TSC22D4: variants seen among roughly 807,000 people sequenced by gnomAD.
TSC22D4 encodes the protein TSC22 domain family member 4, also known as TSC22 domain family protein 4.
In TSC22D4, 5 loss-of-function variants were observed where a neutral mutation model predicts 24.9. The observed-to-expected ratio is 0.20, with a 90% CI of 0.10 to 0.42. The LOEUF is 0.42. TSC22D4 is among the 10% of genes least tolerant of loss of function. TSC22D4 has a pLI of 1.00. For missense variants in TSC22D4, 469 were observed against 547.9 expected (o/e 0.86, Z 1.44); for synonymous variants, 245 against 243.2 (o/e 1.01, Z -0.07).
Position 100,477,874 on chromosome 7 carries a change from C to G in TSC22D4, c.165G>C (p.Lys55Asn), listed in dbSNP as rs762104408. The stretch of plus-strand genomic sequence containing the variant: ...GTGGGGAGCCATTCCGGGGGGTGCC[C>G]TTGCCCCCCGGATCGGGGCTGGGCT... ...NGEPSPDPGG[K>N]GTPRNGSPPP... The change falls in exon 2 of 5, where the codon AAG becomes AAC. Residue 55 changes from lysine (K) to asparagine (N), a missense_variant. Physicochemically the swap from Lys to Asn is moderately conservative, Grantham distance 94 (BLOSUM62 0). Transcript: ENST00000300181. The surrounding 1 kb of genome is among the most constrained non-coding windows in gnomAD (Gnocchi z 7.8). 1.3e-6 allele frequency: 2 copies of G among 1,583,962 alleles called. No individual in the cohort carries two copies. The highest frequency in any genetic ancestry group is 1.7e-6 in the Non-Finnish European group (2 of 1,166,934).
In TSC22D4 at chr7:100,477,536, C is replaced by G; in HGVS notation, c.503G>C (p.Gly168Ala). The G allele has an allele frequency of 1.3e-6, 2 of 1,560,922 alleles. No individual in the cohort carries two copies. Among genetic ancestry groups the G allele is most frequent in the Non-Finnish European group, 1.7e-6 (2 of 1,153,972 alleles). ...SPGPQARSFT[G>A]GLGQLVVPSK... ...GGGCACCACCAGCTGGCCCAGTCCCCCAGTGAAGGAGCGGGCCTGAGGTCC... is the reference window on the plus strand; with the variant it reads ...GGGCACCACCAGCTGGCCCAGTCCCGCAGTGAAGGAGCGGGCCTGAGGTCC... Residue 168 changes from glycine to alanine, a missense_variant, in exon 2 of 5, where the codon GGG becomes GCG. Physicochemically the swap from Gly to Ala is moderately conservative, Grantham distance 60. Transcript: ENST00000300181. This position sits in a 1 kb window ranked among gnomAD's most constrained non-coding sequence, Gnocchi z 7.8.
chr7:100,471,026 A>G (rs1174064691), intron 3 of TSC22D4, among the ~76,000 whole-genome samples: 1 of 152,148 alleles, frequency 6.6e-6, no homozygotes, highest in Non-Finnish European at 1.5e-5. Context: ...CGGCCTCAAC[A>G]TGAAGATGAG....
intron 3 of TSC22D4, among the ~76,000 whole-genome samples, chr7:100,470,889 G>A (rs575308028): frequency 6.6e-6 from 1 of 152,268 alleles, no homozygotes; most frequent in South Asian, 2.1e-4. Context: ...AAATATGAGC[G>A]GCACCCCCTG....
intron 3 of TSC22D4, chr7:100,473,797 T>C (rs1029992564): frequency 2.1e-4 from 32 of 152,204 alleles, no homozygotes; most frequent in African/African-American, 7.7e-4. Flanking sequence ...CTTTTTCTTT[T>C]TAGAGATGAG....
At chr7:100,467,356 T>C in intron 4 of TSC22D4, 188 bp from the exon 5 acceptor site, 2 of 833,588 alleles carry the variant, frequency 2.4e-6, no homozygotes, top group Non-Finnish European at 3.9e-6. Context: ...TGGGGACCAG[T>C]AGCCAGACTA....
At chr7:100,472,526 G>C (rs893285271) in intron 3 of TSC22D4, among the ~76,000 whole-genome samples, 8 of 152,160 alleles carry the variant, frequency 5.3e-5, no homozygotes, top group East Asian at 1.9e-4. Flanking sequence ...CAACAGGGGT[G>C]GGGGAGGGAC....
chr7:100,470,433 A>G (rs1032065189), intron 3 of TSC22D4, among the ~76,000 whole-genome samples: 2 of 152,094 alleles, frequency 1.3e-5, no homozygotes, highest in Non-Finnish European at 2.9e-5. Flanking sequence ...CTGAGATTAC[A>G]GGCATGAGCC....
chr7:100,471,333 G>A (rs1040818987), intron 3 of TSC22D4, among the ~76,000 whole-genome samples: 2 of 152,182 alleles, frequency 1.3e-5, no homozygotes, highest in East Asian at 1.9e-4. Flanking sequence ...CTCTTTGCCT[G>A]GGACACAGGC....
chr7:100,477,736 C>T lies in TSC22D4; in HGVS notation c.303G>A (p.Glu101=). The change falls in exon 2 of 5, where the codon GAG becomes GAA. Residue 101 remains glutamate, a synonymous_variant. Transcript: ENST00000300181. This position sits in a 1 kb window ranked among gnomAD's most constrained non-coding sequence, Gnocchi z 7.8. ...CCAGGAGTCCGCCGAAGCTGTGGGG[C>T]TCCAGGTCTCGCTCATAAACATCCA... ...TCVDVYERDL[E]PHSFGGLLEG... 1.2e-6 allele frequency: 2 copies of T among 1,602,714 alleles called. No individual in the cohort carries two copies. The highest frequency in any genetic ancestry group is 1.7e-6 in the Non-Finnish European group (2 of 1,179,612).
chr7:100,478,308 C>A lies in TSC22D4; in HGVS notation c.-269-1G>T. The A allele has an allele frequency of 8.2e-6, 3 of 365,000 alleles. No individual in the cohort carries two copies. Among genetic ancestry groups the A allele is most frequent in the East Asian group, 4.9e-5 (1 of 20,598 alleles). The allele number at this position is 365,000 out of a possible 1,614,324, so 22.6% of individuals were successfully genotyped here. A position where few individuals can be genotyped will look rare whatever the true frequency, so the allele number is the denominator to read the frequency against. On this transcript the variant is annotated splice_acceptor_variant, in intron 1 of 4. Coordinates refer to ENST00000300181, the MANE Select transcript of TSC22D4 (RefSeq NM_030935.5). LOFTEE classifies it low-confidence loss of function (5UTR_SPLICE). ...TGAACTCCAGAGCTGAGTTTGCAAA[C>A]TGGAAAAAGAGGGGGAGAGAGAGAG...
At chr7:100,470,943 C>T (rs1349831484) in intron 3 of TSC22D4, among the ~76,000 whole-genome samples, 1 of 152,200 alleles carries the variant, frequency 6.6e-6, no homozygotes, top group Non-Finnish European at 1.5e-5. Flanking sequence ...GGAGACTTAG[C>T]CCTGCAGGAC....
chr7:100,469,947 C>T (rs577440736), intron 3 of TSC22D4, among the ~76,000 whole-genome samples: 7 of 149,380 alleles, frequency 4.7e-5, no homozygotes, highest in South Asian at 2.1e-4. Context: ...TAGGCCTGAG[C>T]GAGCAGGATG....
intron 3 of TSC22D4, among the ~76,000 whole-genome samples, chr7:100,473,076 G>T (rs1292052740): frequency 6.6e-6 from 1 of 152,196 alleles, no homozygotes; most frequent in Non-Finnish European, 1.5e-5. Flanking sequence ...CAGGCAGCCT[G>T]GCTATCTCTG....
chr7:100,475,628 T>G (rs1045565567), intron 2 of TSC22D4, among the ~76,000 whole-genome samples: 3 of 151,980 alleles, frequency 2.0e-5, no homozygotes, highest in African/African-American at 7.2e-5. Flanking sequence ...CCTCTCAAAC[T>G]TCTCGGACTC....
At chr7:100,468,391 C>T (rs923986966) in intron 3 of TSC22D4, among the ~76,000 whole-genome samples, 19 of 152,134 alleles carry the variant, frequency 1.2e-4, no homozygotes, top group Admixed American at 3.3e-4. Flanking sequence ...TCGCCACCTC[C>T]GACCCCATTC....
chr7:100,467,839 G>T, intron 3 of TSC22D4: 1 of 689,558 alleles, frequency 1.5e-6, no homozygotes, highest in South Asian at 1.5e-5. Flanking sequence ...AGAGCAAGGG[G>T]AAGAGGCACA....
In TSC22D4 at chr7:100,477,254, C is replaced by A; in HGVS notation, c.762+23G>T. The A allele has an allele frequency of 6.8e-7, 1 of 1,461,064 alleles. No individual in the cohort carries two copies. Among genetic ancestry groups the A allele is most frequent in the Non-Finnish European group, 9.1e-7 (1 of 1,103,442 alleles). 90.5% of individuals were successfully genotyped at this position (1,461,064 alleles called of 1,614,324 possible). ...AGAGGTTAGGCCAGGGCTGATGGGC[C>A]AGCCCTAGAACCCAGGTCTTACCTG... On this transcript the variant is annotated intron_variant, in intron 2 of 4. Coordinates refer to ENST00000300181, the MANE Select transcript of TSC22D4 (RefSeq NM_030935.5). The surrounding 1 kb of genome is among the most constrained non-coding windows in gnomAD (Gnocchi z 7.8).
chr7:100,478,048 G>C lies in TSC22D4; in HGVS notation c.-10C>G. On this transcript the variant is annotated 5_prime_UTR_variant, in exon 2 of 5. Coordinates refer to ENST00000300181, the MANE Select transcript of TSC22D4 (RefSeq NM_030935.5). ...TCTTGCCCCCGCTCATGGTCCCTGG[G>C]GCTCAGGGCTGGGCCAAGGTTGGGG... 6.3e-7 allele frequency: 1 copy of C among 1,587,578 alleles called. No individual in the cohort carries two copies. The highest frequency in any genetic ancestry group is 8.6e-7 in the Non-Finnish European group (1 of 1,169,476).
chr7:100,473,713 A>AT (rs1799436890), intron 3 of TSC22D4: 1 of 151,764 alleles, frequency 6.6e-6, no homozygotes, highest in South Asian at 2.1e-4. Flanking sequence ...AAGTGCTGGG[A>AT]TTACAGGCAT....
Sources: gnomAD v4.1 joint callset for allele counts (sites outside exome capture counted in the v4.1 genomes callset) on GRCh38, gnomAD v4.1.1 for gene constraint, Gnocchi (gnomAD v3.1) non-coding constraint, MANE v1.5 for transcripts, NCBI Gene and HGNC (gene_info 2026-07-23, HGNC 2026-07-21) for gene names.